Variants in SPATA21 observed in about 807,000 individuals in gnomAD.
The protein encoded by SPATA21 is spermatogenesis associated 21.
A neutral mutation model predicts 54.8 loss-of-function variants in SPATA21; 47 were observed. The ratio of observed to expected loss-of-function variants is 0.86; its 90% CI spans 0.68 to 1.09. SPATA21 has a LOEUF of 1.09. Among genes scored for constraint, SPATA21 ranks in the 50% least tolerant of loss-of-function variants. The probability of loss-of-function intolerance (pLI) is 0.00; values close to 1 mark genes in which losing one functional copy is unlikely to be tolerated. For synonymous variants in SPATA21, 245 were observed against 235.3 expected (o/e 1.04, Z -0.38); for missense variants, 599 against 596.4 (o/e 1.00, Z -0.05).
rs536631774 is a variant in SPATA21 at position 16,410,077 on chromosome 1, A to G, written c.145-34T>C. The G allele has an allele frequency of 1.6e-5, 23 of 1,477,116 alleles. No homozygotes were observed. In the Middle Eastern group the frequency reaches 6.6e-4, roughly 42 times the overall value. 91.5% of individuals were successfully genotyped at this position (1,477,116 alleles called of 1,614,324 possible). On this transcript the variant is annotated intron_variant, in intron 5 of 12. Transcript: ENST00000335496. ...AGGGGAGGGGATCCAGGAGGCCTCTAGTGGGCCAGAGTGTCCCACAAATCT... is the reference window on the plus strand; with the variant it reads ...AGGGGAGGGGATCCAGGAGGCCTCTGGTGGGCCAGAGTGTCCCACAAATCT...
At position 16,406,089 on chromosome 1, in the gene SPATA21, G is replaced by A. The variant is rs1014034909; in HGVS notation, c.674-985C>T. Among the ~76,000 whole-genome samples, 8 of 152,108 alleles carry A rather than the reference G, an allele frequency of 5.3e-5. No individual in the cohort carries two copies. In the East Asian group the frequency reaches 1.2e-3, roughly 22 times the overall value. On this transcript the variant is annotated intron_variant, in intron 7 of 12. Coordinates refer to ENST00000335496, the MANE Select transcript of SPATA21 (RefSeq NM_198546.1). ...GCCTGGATATGGAATAGACAGCAGA[G>A]TGAGTCAAGGGGACCACAGCCCTTT...
Position 16,428,092 on chromosome 1 carries a change from C to A in SPATA21, c.34+3246G>T. 1 of 1,476,274 alleles carries A rather than the reference C, an allele frequency of 6.8e-7. No individual in the cohort carries two copies. The allele number at this position is 1,476,274 out of a possible 1,614,324, so 91.4% of individuals were successfully genotyped here. On this transcript the variant is annotated intron_variant, in intron 3 of 12. Coordinates refer to ENST00000335496, the MANE Select transcript of SPATA21 (RefSeq NM_198546.1). This position sits in a 1 kb window ranked among gnomAD's most constrained non-coding sequence, Gnocchi z 4.3. ...TTCTGGAGTGATCCCTCCCACTCCT[C>A]CCTGGGTACTCTTCTGGCCTCAAGG...
Position 16,428,150 on chromosome 1 carries a change from G to A in SPATA21, c.34+3188C>T, listed in dbSNP as rs2086368682. On this transcript the variant is annotated intron_variant, in intron 3 of 12. Coordinates refer to ENST00000335496, the MANE Select transcript of SPATA21 (RefSeq NM_198546.1). This position sits in a 1 kb window ranked among gnomAD's most constrained non-coding sequence, Gnocchi z 4.3. Reference sequence around the variant, plus strand: ...GATCCTGTGCCTGATTGGGGAAGCTGTTGGAGAGGGGTGAGCAGGAGCTGA... The same window carrying A: ...GATCCTGTGCCTGATTGGGGAAGCTATTGGAGAGGGGTGAGCAGGAGCTGA... 2.5e-6 allele frequency: 3 copies of A among 1,214,278 alleles called. No individual in the cohort carries two copies. Among genetic ancestry groups the A allele is most frequent in the South Asian group, 3.4e-5 (2 of 58,066 alleles). 75.2% of individuals were successfully genotyped at this position (1,214,278 alleles called of 1,614,324 possible).
At chr1:16,436,356 C>T (rs1047601525) in intron 1 of SPATA21, among the ~76,000 whole-genome samples, 11 of 146,156 alleles carry the variant, frequency 7.5e-5, no homozygotes, top group Non-Finnish European at 1.3e-4. Flanking sequence ...CATTGCACTC[C>T]AGCCTAGATG....
intron 3 of SPATA21, chr1:16,425,798 G>C (rs1457742629): frequency 7.1e-7 from 1 of 1,408,644 alleles, no homozygotes; most frequent in Non-Finnish European, 9.6e-7. Context: ...TATTTTTACA[G>C]GGCTAGGCAT....
In SPATA21 at chr1:16,409,149, G is replaced by A. The variant is rs769043923; in HGVS notation, c.642C>T (p.Ser214=). 1.2e-6 allele frequency: 2 copies of A among 1,614,036 alleles called. No individual in the cohort carries two copies. The highest frequency in any genetic ancestry group is 2.2e-5 in the East Asian group (1 of 44,854). ...LQKLYQNREK[S]EEQLTLKQEE... ...CTTGCTTCAGGGTCAGTTGCTCCTCGGACTTCTCCCGGTTTTGATAAAGCT... is the reference window on the plus strand; with the variant it reads ...CTTGCTTCAGGGTCAGTTGCTCCTCAGACTTCTCCCGGTTTTGATAAAGCT... The change falls in exon 7 of 13, where the codon TCC becomes TCT. Residue 214 remains serine (S), a synonymous_variant. Coordinates refer to ENST00000335496, the MANE Select transcript of SPATA21 (RefSeq NM_198546.1). The surrounding 1 kb of genome is among the most constrained non-coding windows in gnomAD (Gnocchi z 4.1).
At chr1:16,420,736 G>A (rs1049225541) in intron 5 of SPATA21, among the ~76,000 whole-genome samples, 46 of 151,998 alleles carry the variant, frequency 3.0e-4, no homozygotes, top group Non-Finnish European at 2.2e-4. Context: ...GTGGGTTTGG[G>A]GATGCTTCTT....
At chr1:16,402,581 G>A (rs1292345772) in intron 10 of SPATA21, among the ~76,000 whole-genome samples, 1 of 148,732 alleles carries the variant, frequency 6.7e-6, no homozygotes, top group Non-Finnish European at 1.5e-5. Flanking sequence ...TTAAGAGATG[G>A]ACTTTCGTTC....
At chr1:16,402,418 C>A (rs1251363228) in intron 10 of SPATA21, among the ~76,000 whole-genome samples, 1 of 151,434 alleles carries the variant, frequency 6.6e-6, no homozygotes, top group Non-Finnish European at 1.5e-5. Context: ...CCCGCCACCA[C>A]GCCCAGCTAA....
chr1:16,423,361 C>T (rs2086224158), intron 3 of SPATA21, among the ~76,000 whole-genome samples: 1 of 138,464 alleles, frequency 7.2e-6, no homozygotes, highest in South Asian at 2.4e-4. Flanking sequence ...TGCAGTGACC[C>T]AAGATCACAC....
chr1:16,405,493 G>GAAA lies in SPATA21; in HGVS notation c.674-392_674-390dup, dbSNP rs538611012. On this transcript the variant is annotated intron_variant, in intron 7 of 12. Transcript: ENST00000335496. ...CCCCATCTCTAATAAAAATAAAAAT[G>GAAA]AAAAAAAAAAAAAAAAAAAAAACTG... Among the ~76,000 whole-genome samples the GAAA allele has an allele frequency of 1.5e-3, 118 of 81,294 alleles. 2 individuals are homozygous for GAAA. The highest frequency in any genetic ancestry group is 5.8e-3 in the African/African-American group (107 of 18,460). The allele number at this position is 81,294 out of a possible 152,430, so 53.3% of individuals were successfully genotyped here.
intron 5 of SPATA21, among the ~76,000 whole-genome samples, chr1:16,411,450 C>T (rs1429566283): frequency 6.6e-6 from 1 of 152,148 alleles, no homozygotes; most frequent in Non-Finnish European, 1.5e-5. Flanking sequence ...TCCCAAAGTG[C>T]TGGGATTGCA....
At chr1:16,404,352 C>T (rs1045569439) in intron 8 of SPATA21, among the ~76,000 whole-genome samples, 7 of 152,154 alleles carry the variant, frequency 4.6e-5, no homozygotes, top group African/African-American at 1.7e-4. Context: ...CACCTGTAAT[C>T]CCAGCTACTT....
intron 5 of SPATA21, among the ~76,000 whole-genome samples, chr1:16,418,671 G>A (rs975917265): frequency 1.4e-5 from 2 of 139,356 alleles, no homozygotes; most frequent in South Asian, 4.7e-4. Context: ...GGGTTCAAGT[G>A]ACTCTCCTGC....
chr1:16,400,693 C>T, intron 11 of SPATA21, 27 bp downstream of exon 11: 1 of 1,594,580 alleles, frequency 6.3e-7, no homozygotes, highest in Non-Finnish European at 8.6e-7. Context: ...CAACCCTAGC[C>T]CATCCCACCC....
intron 5 of SPATA21, among the ~76,000 whole-genome samples, chr1:16,414,949 A>C (rs1269040276): frequency 6.6e-6 from 1 of 151,860 alleles, no homozygotes; most frequent in Non-Finnish European, 1.5e-5. Flanking sequence ...TAGAAAAGAG[A>C]CCCATTTTCC....
Position 16,409,111 on chromosome 1 carries a change from C to T in SPATA21, c.673+7G>A, listed in dbSNP as rs763660478. 1 of 1,614,014 alleles carries T rather than the reference C, an allele frequency of 6.2e-7. No individual in the cohort carries two copies. The highest frequency in any genetic ancestry group is 8.5e-7 in the Non-Finnish European group (1 of 1,179,932). On this transcript the variant is annotated splice_region_variant and intron_variant, in intron 7 of 12. Coordinates refer to ENST00000335496, the MANE Select transcript of SPATA21 (RefSeq NM_198546.1). This position sits in a 1 kb window ranked among gnomAD's most constrained non-coding sequence, Gnocchi z 4.1. ...TGCTGGGACCTCCCTGACCTCCCTG[C>T]CCTCACCTTCCTCTTGCTTCAGGGT... is the stretch of plus-strand genomic sequence containing the variant.
At position 16,420,284 on chromosome 1, in the gene SPATA21, G is replaced by A. The variant is rs139079044; in HGVS notation, c.144+1225C>T. Among the ~76,000 whole-genome samples, 90 of 152,150 alleles carry A rather than the reference G, an allele frequency of 5.9e-4. 1 individual carries two copies. The East Asian group carries it at 0.017, about 28-fold the overall frequency. ...AGACCCCGATAAAAGCTCTCATATG[G>A]GGATGTGTTGAGAAAAGACAAGCGG... is the stretch of plus-strand genomic sequence containing the variant. On this transcript the variant is annotated intron_variant, in intron 5 of 12. Coordinates refer to ENST00000335496, the MANE Select transcript of SPATA21 (RefSeq NM_198546.1).
At chr1:16,414,326 C>G (rs1414575709) in intron 5 of SPATA21, among the ~76,000 whole-genome samples, 3 of 152,146 alleles carry the variant, frequency 2.0e-5, no homozygotes, top group Non-Finnish European at 4.4e-5. Flanking sequence ...ACCTCAGCCA[C>G]TCAAAGTGTT....
Sources: allele counts gnomAD v4.1 joint callset (sites outside exome capture counted in the v4.1 genomes callset), GRCh38; gene constraint gnomAD v4.1.1; non-coding constraint Gnocchi (gnomAD v3.1); transcripts MANE v1.5; gene names NCBI Gene and HGNC (gene_info 2026-07-23, HGNC 2026-07-21).